The following LOXL4 variants were observed in gnomAD, a reference collection of about 807,000 sequenced individuals.
The protein encoded by LOXL4 is lysyl oxidase like 4, also known as lysyl oxidase homolog 4.
Under a neutral mutation model 89.1 loss-of-function variants are expected in LOXL4, and 72 were observed. The observed-to-expected ratio is 0.81, with a 90% CI of 0.67 to 0.98. The LOEUF (loss-of-function observed/expected upper bound fraction) is 0.98, where lower values mean the gene tolerates loss of function less well. Among genes scored for constraint, LOXL4 ranks in the 50% least tolerant of loss-of-function variants. The probability of loss-of-function intolerance (pLI) is 0.00; values close to 1 mark genes in which losing one functional copy is unlikely to be tolerated. For missense variants in LOXL4, 984 were observed against 1,017.5 expected (o/e 0.97, Z 0.45); for synonymous variants, 355 against 392.1 (o/e 0.91, Z 1.12).
chr10:98,261,056 C>G lies in LOXL4; in HGVS notation c.528G>C (p.Glu176Asp). 1 of 1,614,014 alleles carries G rather than the reference C, an allele frequency of 6.2e-7. No individual in the cohort carries two copies. The highest frequency in any genetic ancestry group is 8.5e-7 in the Non-Finnish European group (1 of 1,180,046). ...CCTCATACTTCACCTCCACGGCTCC[C>G]TCGGTCACTGGGCTATGCTGCTTGG... Reference protein sequence around the residue: ...ASAKQHSPVTEGAVEVKYEGH... With the variant: ...ASAKQHSPVTDGAVEVKYEGH... The change falls in exon 4 of 15, where the codon GAG becomes GAC. Residue 176 changes from glutamate to aspartate, a missense_variant. Transcript: ENST00000260702.
At chr10:98,260,192 C>T (rs956402323) in intron 4 of LOXL4, among the ~76,000 whole-genome samples, 3 of 152,174 alleles carry the variant, frequency 2.0e-5, no homozygotes, top group Admixed American at 6.5e-5. Flanking sequence ...CTCCTCTCTC[C>T]AGGTGCCCCA....
In LOXL4 at chr10:98,263,060, T is replaced by C; in HGVS notation, c.-32-9A>G. 6.3e-7 allele frequency: 1 copy of C among 1,597,688 alleles called. No individual in the cohort carries two copies. The highest frequency in any genetic ancestry group is 8.6e-7 in the Non-Finnish European group (1 of 1,168,428). On this transcript the variant is annotated splice_polypyrimidine_tract_variant and intron_variant, in intron 1 of 14. Coordinates refer to ENST00000260702, the MANE Select transcript of LOXL4 (RefSeq NM_032211.7). ...AGCTGAGGCCAAGATACCTGAGGAATGAGTAAACATGACAGTGATCACCAC... is the reference window on the plus strand; with the variant it reads ...AGCTGAGGCCAAGATACCTGAGGAACGAGTAAACATGACAGTGATCACCAC...
intron 14 of LOXL4, among the ~76,000 whole-genome samples, 200 bp from the exon 15 acceptor site, chr10:98,249,191 GA>G (rs1564754214): frequency 1.3e-5 from 2 of 152,210 alleles, no homozygotes; most frequent in African/African-American, 4.8e-5. Context: ...CTATTGATTG[GA>G]AAGAGTTGTG....
intron 13 of LOXL4, 128 bp from the exon 14 acceptor site, chr10:98,251,304 G>A: frequency 1.2e-6 from 1 of 830,748 alleles, no homozygotes; most frequent in South Asian, 1.6e-5. Flanking sequence ...CAGGAGGTAG[G>A]TACTGATGTT....
Position 98,251,718 on chromosome 10 carries a change from C to CA in LOXL4, c.1952-17dup, listed in dbSNP as rs1343083162. ...CGCTGCAGTCCTGTAAGGAAGGGGA[C>CA]AGACAGGTTTTGAGGCAGGACGAAG... On this transcript the variant is annotated splice_polypyrimidine_tract_variant and intron_variant, in intron 12 of 14. Coordinates refer to ENST00000260702, the MANE Select transcript of LOXL4 (RefSeq NM_032211.7). The CA allele has an allele frequency of 6.2e-7, 1 of 1,613,630 alleles. No homozygotes were observed. The highest frequency in any genetic ancestry group is 1.1e-5 in the South Asian group (1 of 91,024).
intron 11 of LOXL4, among the ~76,000 whole-genome samples, chr10:98,252,716 C>G (rs1393301879): frequency 1.3e-5 from 2 of 152,208 alleles, no homozygotes; most frequent in Admixed American, 6.5e-5. Flanking sequence ...GGTAGAAGCC[C>G]TGCTCTGGTC....
chr10:98,262,829 A>G lies in LOXL4; in HGVS notation c.191T>C (p.Ile64Thr). The change falls in exon 2 of 15, where the codon ATC (isoleucine) becomes ACC (threonine). Residue 64 changes from isoleucine to threonine, a missense_variant. Ile to Thr is a moderately conservative substitution (Grantham distance 89). Transcript: ENST00000260702. ...WGTVCDDNFA[I>T]QEATVACRQL... is the part of the protein sequence containing the mutation. Reference sequence around the variant, plus strand: ...GCGGCAAGCCACTGTGGCCTCCTGGATAGCAAAGTTGTCATCACACACGGT... The same window carrying G: ...GCGGCAAGCCACTGTGGCCTCCTGGGTAGCAAAGTTGTCATCACACACGGT... The G allele has an allele frequency of 6.2e-7, 1 of 1,613,722 alleles. No homozygotes were observed. The highest frequency in any genetic ancestry group is 8.5e-7 in the Non-Finnish European group (1 of 1,180,044).
intron 4 of LOXL4, among the ~76,000 whole-genome samples, chr10:98,260,475 G>C (rs1564760832): frequency 7.1e-6 from 1 of 141,778 alleles, no homozygotes; most frequent in Admixed American, 7.1e-5. Context: ...ACCGGGGGCG[G>C]GGGGTGGGGG....
chr10:98,253,377 G>T (rs1417398395), intron 11 of LOXL4, among the ~76,000 whole-genome samples, 176 bp downstream of exon 11: 1 of 152,262 alleles, frequency 6.6e-6, no homozygotes, highest in African/African-American at 2.4e-5. Flanking sequence ...AGGCGAGAGC[G>T]ATGGAGGGGC....
chr10:98,261,166 T>C (rs768035118), intron 3 of LOXL4, 39 bp from the exon 4 acceptor site: 15 of 1,591,520 alleles, frequency 9.4e-6, no homozygotes, highest in Admixed American at 5.0e-5. Context: ...TCGGGGCTCC[T>C]GCTCCTCCAG....
chr10:98,252,133 T>G, intron 12 of LOXL4: 1 of 544,792 alleles, frequency 1.8e-6, no homozygotes. Context: ...AAGTGCTGAG[T>G]GTTTTAAAAG....
Position 98,260,951 on chromosome 10 carries a change from G to C in LOXL4, c.633C>G (p.Ser211Arg). 1 of 1,612,976 alleles carries C rather than the reference G, an allele frequency of 6.2e-7. No homozygotes were observed. Among genetic ancestry groups the C allele is most frequent in the Non-Finnish European group, 8.5e-7 (1 of 1,179,750 alleles). The change falls in exon 4 of 15, where the codon AGC becomes AGG. Residue 211 changes from serine (S) to arginine (R), a missense_variant. Physicochemically the swap from Ser to Arg is moderately radical, Grantham distance 110 (BLOSUM62 -1). Transcript: ENST00000260702. ...RVVCGMLGFP[S>R]EVPVDSHYYR... Reference sequence around the variant, plus strand: ...AGTAGTGGCTGTCGACAGGCACCTCGCTGGGGAAGCCCAGCATCCCGCACA... The same window carrying C: ...AGTAGTGGCTGTCGACAGGCACCTCCCTGGGGAAGCCCAGCATCCCGCACA...
chr10:98,257,626 G>A, intron 8 of LOXL4, 24 bp downstream of exon 8: 1 of 1,607,508 alleles, frequency 6.2e-7, no homozygotes, highest in Non-Finnish European at 8.5e-7. Flanking sequence ...CCCAGCCTGA[G>A]GCCATGCTCA....
chr10:98,256,895 A>T lies in LOXL4; in HGVS notation c.1313T>A (p.Val438Glu). The part of the protein sequence containing the change: ...IPEEGLLEVQ[V>E]EVNGVPRWGS... The stretch of plus-strand genomic sequence containing the variant: ...CCAGCGTGGGACCCCGTTCACCTCC[A>T]CCTGCACCTCCAATAGCCCCTCCTC... Residue 438 changes from valine (V) to glutamate (E), a missense_variant, in exon 9 of 15, where the codon GTG (valine) becomes GAG (glutamate). Physicochemically the swap from Val to Glu is moderately radical, Grantham distance 121 (BLOSUM62 -2). Coordinates refer to ENST00000260702, the MANE Select transcript of LOXL4 (RefSeq NM_032211.7). 2 of 1,614,080 alleles carry T rather than the reference A, an allele frequency of 1.2e-6. No individual in the cohort carries two copies. The highest frequency in any genetic ancestry group is 1.7e-6 in the Non-Finnish European group (2 of 1,179,956).
At chr10:98,252,252 C>T in intron 12 of LOXL4, 101 bp downstream of exon 12, 1 of 825,846 alleles carries the variant, frequency 1.2e-6, no homozygotes, top group Non-Finnish European at 2.0e-6. Flanking sequence ...TCTCCAGGTG[C>T]CCTGGGCTGC....
intron 1 of LOXL4, among the ~76,000 whole-genome samples, chr10:98,267,775 T>C (rs1326454633): frequency 6.6e-6 from 1 of 152,084 alleles, no homozygotes; most frequent in Non-Finnish European, 1.5e-5. Flanking sequence ...GTCCCCCAAG[T>C]CGTAAGTGTG....
intron 13 of LOXL4, 127 bp downstream of exon 13, chr10:98,251,439 G>C (rs1858189118): frequency 2.3e-6 from 3 of 1,307,560 alleles, no homozygotes; most frequent in African/African-American, 2.9e-5. Flanking sequence ...TAACAGGACA[G>C]CTCCTTTAAG....
At chr10:98,252,776 G>C (rs1858236652) in intron 11 of LOXL4, among the ~76,000 whole-genome samples, 1 of 152,208 alleles carries the variant, frequency 6.6e-6, no homozygotes, top group Non-Finnish European at 1.5e-5. Flanking sequence ...GGGGGGAGAG[G>C]CGGGGCACCG....
chr10:98,258,208 C>G, intron 6 of LOXL4, 44 bp from the exon 7 acceptor site: 1 of 1,560,094 alleles, frequency 6.4e-7, no homozygotes, highest in African/African-American at 1.4e-5. Flanking sequence ...GGAGGAGGCA[C>G]CAGCAGGGGC....
Sources: gnomAD v4.1 joint callset for allele counts (sites outside exome capture counted in the v4.1 genomes callset) on GRCh38, gnomAD v4.1.1 for gene constraint, MANE v1.5 for transcripts, NCBI Gene and HGNC (gene_info 2026-07-23, HGNC 2026-07-21) for gene names.